The following ZNF385D variants were observed in gnomAD, a reference collection of about 807,000 sequenced individuals.
The protein encoded by ZNF385D is zinc finger protein 659.
ZNF385D carries 15 observed loss-of-function variants against 35.8 expected under a neutral mutation model. The observed-to-expected ratio is 0.42, with a 90% CI of 0.28 to 0.64. The LOEUF (loss-of-function observed/expected upper bound fraction) is 0.64, where lower values mean the gene tolerates loss of function less well. Ranked by LOEUF, ZNF385D falls within the 30% of genes least tolerant of loss-of-function variation. The pLI is 0.23. For synonymous variants in ZNF385D, 212 were observed against 186.8 expected, an observed-to-expected ratio of 1.13 and a Z score of -1.10; for missense variants, 474 against 494.6, an observed-to-expected ratio of 0.96 and a Z score of 0.39.
chr3:21,736,739 A>G, intron 1 of ZNF385D, among the ~76,000 whole-genome samples: 1 of 152,208 alleles, frequency 6.6e-6, no homozygotes. Context: ...AGCAAGGACA[A>G]AAAAGCAGAA....
intron 3 of ZNF385D, among the ~76,000 whole-genome samples, chr3:21,855,009 A>T (rs1559693946): frequency 6.6e-6 from 1 of 151,920 alleles, no homozygotes; most frequent in Non-Finnish European, 1.5e-5. Flanking sequence ...ACTCACATCT[A>T]TACAACATGA....
At chr3:22,041,813 G>C (rs767663626) in intron 3 of ZNF385D, among the ~76,000 whole-genome samples, 1 of 151,962 alleles carries the variant, frequency 6.6e-6, no homozygotes, top group East Asian at 1.9e-4. Flanking sequence ...TAAAACTTAA[G>C]GAATGGTTGA....
intron 1 of ZNF385D, among the ~76,000 whole-genome samples, chr3:21,670,389 C>T (rs1000512024): frequency 5.9e-5 from 9 of 151,778 alleles, no homozygotes; most frequent in Non-Finnish European, 1.2e-4. Flanking sequence ...GGAAATCATA[C>T]AGAGCATTTT....
chr3:21,654,840 C>G (rs1432214144), intron 2 of ZNF385D, among the ~76,000 whole-genome samples: 1 of 152,026 alleles, frequency 6.6e-6, no homozygotes, highest in African/African-American at 2.4e-5. Flanking sequence ...GTGTACCACA[C>G]TTTGAGAAGT....
At chr3:21,500,407 A>G (rs1265338956) in intron 4 of ZNF385D, among the ~76,000 whole-genome samples, 1 of 152,140 alleles carries the variant, frequency 6.6e-6, no homozygotes, top group Non-Finnish European at 1.5e-5. Context: ...GAAGCTGAAA[A>G]TTTCATGGGG....
intron 2 of ZNF385D, among the ~76,000 whole-genome samples, chr3:22,302,899 CT>C (rs1391458765): frequency 2.6e-5 from 4 of 151,784 alleles, no homozygotes; most frequent in Non-Finnish European, 5.9e-5. Context: ...TATAAAATGT[CT>C]TTTAGTAATG....
In ZNF385D at chr3:22,120,314, C is replaced by A. The variant is rs1048544113; in HGVS notation, c.325+48503G>T. On this transcript the variant is annotated intron_variant, in intron 3 of 5. Coordinates refer to the ZNF385D transcript ENST00000494108. ...TTTCTCCTTTGGCCTCTTTCCTCAG[C>A]TTGCAGATGACACCTTCCCACTGGG... Among the ~76,000 whole-genome samples the A allele has an allele frequency of 2.0e-5, 3 of 146,724 alleles. 1 individual carries two copies. The highest frequency in any genetic ancestry group is 4.5e-5 in the Non-Finnish European group (3 of 66,376).
At chr3:22,109,336 A>G (rs912310956) in intron 3 of ZNF385D, among the ~76,000 whole-genome samples, 2 of 152,196 alleles carry the variant, frequency 1.3e-5, no homozygotes, top group Non-Finnish European at 2.9e-5. Flanking sequence ...ATAAGGATAC[A>G]TACAAGATGT....
chr3:22,294,162 A>C (rs912944529), intron 2 of ZNF385D, among the ~76,000 whole-genome samples: 2 of 152,074 alleles, frequency 1.3e-5, no homozygotes, highest in African/African-American at 4.8e-5. Flanking sequence ...GTTACAACAT[A>C]GTGCTACTAC....
At chr3:21,971,659 G>C (rs1703265769) in intron 3 of ZNF385D, among the ~76,000 whole-genome samples, 1 of 150,208 alleles carries the variant, frequency 6.7e-6, no homozygotes, top group African/African-American at 2.4e-5. Flanking sequence ...CAAATCAAAA[G>C]ACATAGACTA....
chr3:22,161,674 T>C (rs1200624460), intron 3 of ZNF385D, among the ~76,000 whole-genome samples: 1 of 152,166 alleles, frequency 6.6e-6, no homozygotes, highest in Non-Finnish European at 1.5e-5. Flanking sequence ...ATAGAGAATA[T>C]ATAGTGATAA....
At chr3:21,671,672 A>C (rs1456473091) in intron 1 of ZNF385D, among the ~76,000 whole-genome samples, 2 of 152,174 alleles carry the variant, frequency 1.3e-5, no homozygotes, top group East Asian at 3.9e-4. Context: ...ACAAAACAAC[A>C]ATTTAAAAAA....
intron 2 of ZNF385D, among the ~76,000 whole-genome samples, chr3:22,239,946 A>G (rs993401319): frequency 8.6e-5 from 13 of 150,348 alleles, no homozygotes; most frequent in African/African-American, 3.0e-4. Flanking sequence ...GGAGACCAAG[A>G]CAGGTGGATC....
intron 3 of ZNF385D, among the ~76,000 whole-genome samples, chr3:22,135,160 A>C (rs1459459200): frequency 6.6e-6 from 1 of 152,138 alleles, no homozygotes; most frequent in Non-Finnish European, 1.5e-5. Context: ...GCAAGAAAAG[A>C]AAAGACTTAC....
intron 3 of ZNF385D, among the ~76,000 whole-genome samples, chr3:22,086,006 T>C (rs1326948442): frequency 1.3e-5 from 2 of 152,168 alleles, no homozygotes; most frequent in Admixed American, 1.3e-4. Context: ...TCAACAACAC[T>C]TCATGCTAAA....
intron 4 of ZNF385D, among the ~76,000 whole-genome samples, chr3:21,445,902 A>C (rs390643): frequency 0.65 from 98,128 of 151,918 alleles, 31,966 homozygotes; most frequent in African/African-American, 0.72. Flanking sequence ...AATAATATTT[A>C]TTTCACTCTT....
Position 22,146,368 on chromosome 3 carries a change from A to G in ZNF385D, c.325+22449T>C, listed in dbSNP as rs544494478. Among the ~76,000 whole-genome samples the G allele has an allele frequency of 7.5e-4, 115 of 152,324 alleles. 1 individual carries two copies. Among genetic ancestry groups the G allele is most frequent in the South Asian group, 4.1e-4 (2 of 4,826 alleles). Reference sequence around the variant, plus strand: ...TTTCCCATTACCATCATTAACTGCAATAAACTGACAGACTACAACAGTGGG... The same window carrying G: ...TTTCCCATTACCATCATTAACTGCAGTAAACTGACAGACTACAACAGTGGG... On this transcript the variant is annotated intron_variant, in intron 3 of 5. Transcript: ENST00000494108.
At chr3:22,216,201 T>A (rs1697873266) in intron 2 of ZNF385D, among the ~76,000 whole-genome samples, 2 of 151,978 alleles carry the variant, frequency 1.3e-5, no homozygotes, top group Admixed American at 6.6e-5. Context: ...CCAGAATATT[T>A]TTTCCTTATG....
chr3:21,617,364 A>G (rs2064876975), intron 2 of ZNF385D, among the ~76,000 whole-genome samples: 1 of 152,186 alleles, frequency 6.6e-6, no homozygotes, highest in South Asian at 2.1e-4. Flanking sequence ...TAGCTCTGTT[A>G]TTCACTAGCT....
Sources: gnomAD v4.1 joint callset for allele counts (sites outside exome capture counted in the v4.1 genomes callset) on GRCh38, gnomAD v4.1.1 for gene constraint, MANE v1.5 for transcripts, NCBI Gene and HGNC (gene_info 2026-07-23, HGNC 2026-07-21) for gene names.